The following ESRRG variants were observed in gnomAD, a reference collection of about 807,000 sequenced individuals.
ESRRG encodes estrogen related receptor gamma.
In ESRRG, 13 loss-of-function variants were observed where a neutral mutation model predicts 44.0. The observed-to-expected ratio is 0.30, with a 90% CI of 0.19 to 0.47. The LOEUF (loss-of-function observed/expected upper bound fraction) is 0.47. ESRRG is among the 20% of genes least tolerant of loss of function. The pLI is 1.00. For missense variants in ESRRG, 395 were observed against 580.6 expected (o/e 0.68, Z 3.29); for synonymous variants, 215 against 214.6 (o/e 1.00, Z -0.02).
At chr1:216,685,617 T>C (rs2077795247) in intron 1 of ESRRG, among the ~76,000 whole-genome samples, 1 of 152,290 alleles carries the variant, frequency 6.6e-6, no homozygotes, top group Non-Finnish European at 1.5e-5. Flanking sequence ...ACAAATTACA[T>C]TGAATATAGA....
At chr1:217,070,040 A>G (rs7531250) in intron 1 of ESRRG, among the ~76,000 whole-genome samples, 2,281 of 152,138 alleles carry the variant, frequency 0.015, 69 homozygotes, top group African/African-American at 0.053. Flanking sequence ...CCAAGTTCCT[A>G]TAAGTTGATT....
chr1:216,764,648 C>T (rs986141704), intron 2 of ESRRG, among the ~76,000 whole-genome samples: 7 of 152,046 alleles, frequency 4.6e-5, no homozygotes, highest in Non-Finnish European at 8.8e-5. Flanking sequence ...TAGGTGTGTG[C>T]TGCCTCACTG....
chr1:216,541,585 TGTG>T (rs1558372543), intron 5 of ESRRG, among the ~76,000 whole-genome samples: 1 of 148,058 alleles, frequency 6.8e-6, no homozygotes, highest in Non-Finnish European at 1.5e-5. Flanking sequence ...TGTGTGTGTG[TGTG>T]TGTGTGTGTG....
intron 1 of ESRRG, among the ~76,000 whole-genome samples, chr1:217,120,528 T>G (rs2092805312): frequency 6.6e-6 from 1 of 152,036 alleles, no homozygotes; most frequent in African/African-American, 2.4e-5. Context: ...TCATTCCCCT[T>G]AGAACAAAGA....
At chr1:216,791,347 T>C (rs553404304) in intron 2 of ESRRG, among the ~76,000 whole-genome samples, 5 of 152,146 alleles carry the variant, frequency 3.3e-5, no homozygotes, top group Admixed American at 3.3e-4. Flanking sequence ...CTGCTCCCCC[T>C]TTGCCTTCTG....
intron 3 of ESRRG, among the ~76,000 whole-genome samples, chr1:216,637,983 G>A (rs1013064902): frequency 2.6e-5 from 4 of 151,482 alleles, no homozygotes; most frequent in South Asian, 2.1e-4. Context: ...AAATGCAACT[G>A]AAAAGTATAC....
chr1:216,574,906 TA>T (rs2061429867), intron 3 of ESRRG, among the ~76,000 whole-genome samples: 1 of 152,110 alleles, frequency 6.6e-6, no homozygotes, highest in South Asian at 2.1e-4. Flanking sequence ...CTTTGCTGCC[TA>T]AAGCCACCTC....
chr1:217,077,204 C>T (rs992583654), intron 1 of ESRRG, among the ~76,000 whole-genome samples: 23 of 152,198 alleles, frequency 1.5e-4, no homozygotes, highest in African/African-American at 5.3e-4. Context: ...AAATGGAATG[C>T]AGCTCTGCTG....
At chr1:216,769,481 C>G (rs1345408018) in intron 2 of ESRRG, among the ~76,000 whole-genome samples, 1 of 152,020 alleles carries the variant, frequency 6.6e-6, no homozygotes, top group East Asian at 1.9e-4. Flanking sequence ...AAGGCCTCAA[C>G]TTCTAAGCTA....
At chr1:216,763,276 A>C (rs2092898413) in intron 2 of ESRRG, among the ~76,000 whole-genome samples, 1 of 151,342 alleles carries the variant, frequency 6.6e-6, no homozygotes, top group Non-Finnish European at 1.5e-5. Context: ...GTTGTTGGCT[A>C]TGAAGTCTCT....
At chr1:216,826,246 A>G (rs1277565529) in intron 2 of ESRRG, among the ~76,000 whole-genome samples, 2 of 151,920 alleles carry the variant, frequency 1.3e-5, no homozygotes, top group Non-Finnish European at 2.9e-5. Flanking sequence ...GCATGCAATC[A>G]GTATGTCAAT....
At chr1:216,700,825 AAC>A (rs1190153259) in intron 1 of ESRRG, among the ~76,000 whole-genome samples, 1 of 152,174 alleles carries the variant, frequency 6.6e-6, no homozygotes, top group African/African-American at 2.4e-5. Flanking sequence ...TTCTTACCCT[AAC>A]ACTCTAGGCA....
rs575417223 is a variant in ESRRG at position 216,854,668 on chromosome 1, G to A, written c.-14+84914C>T. ...ATGGCGCCTGAGGTAACTACTTATG[G>A]CTATACAATAGTCTTGGCTGATGGA... On this transcript the variant is annotated intron_variant, in intron 2 of 7. Coordinates refer to the ESRRG transcript ENST00000359162. 1.2e-4 allele frequency among the ~76,000 whole-genome samples: 19 copies of A among 152,212 alleles called. No individual in the cohort carries two copies. The South Asian group carries it at 3.7e-3, about 30-fold the overall frequency.
At chr1:216,705,572 C>T (rs1489872162) in intron 1 of ESRRG, among the ~76,000 whole-genome samples, 1 of 152,148 alleles carries the variant, frequency 6.6e-6, no homozygotes, top group Non-Finnish European at 1.5e-5. Flanking sequence ...TGAGCATTAT[C>T]TAAATCTAGA....
intron 1 of ESRRG, among the ~76,000 whole-genome samples, chr1:217,036,964 A>G (rs2083015815): frequency 1.3e-5 from 2 of 152,120 alleles, no homozygotes; most frequent in Admixed American, 6.5e-5. Context: ...TTGGGAGATG[A>G]CCACTAGAGA....
At chr1:216,863,967 T>G (rs1313461693) in intron 2 of ESRRG, 1 of 152,192 alleles carries the variant, frequency 6.6e-6, no homozygotes. Flanking sequence ...TTTAATTTAA[T>G]GAAATTGCAT....
At chr1:217,078,638 G>A (rs180985343) in intron 1 of ESRRG, among the ~76,000 whole-genome samples, 5 of 152,250 alleles carry the variant, frequency 3.3e-5, no homozygotes, top group South Asian at 2.1e-4. Context: ...AGGTATTCTC[G>A]GGACTTATAC....
chr1:216,909,515 T>C (rs943548846), intron 2 of ESRRG, among the ~76,000 whole-genome samples: 1 of 152,168 alleles, frequency 6.6e-6, no homozygotes, highest in Admixed American at 6.5e-5. Flanking sequence ...TCTATTTATT[T>C]TTTAGATAAA....
intron 1 of ESRRG, among the ~76,000 whole-genome samples, chr1:217,121,756 C>T (rs901889051): frequency 4.6e-5 from 7 of 152,126 alleles, no homozygotes; most frequent in African/African-American, 9.7e-5. Context: ...GATTTAACAT[C>T]GGAGAGCCAG....
Sources: allele counts gnomAD v4.1 joint callset (sites outside exome capture counted in the v4.1 genomes callset), GRCh38; gene constraint gnomAD v4.1.1; transcripts MANE v1.5; gene names NCBI Gene and HGNC (gene_info 2026-07-23, HGNC 2026-07-21).